Variants in KANSL1 observed in about 807,000 individuals in gnomAD.
KANSL1 encodes KAT8 regulatory NSL complex subunit 1, also known as MLL1/MLL complex subunit KANSL1.
A neutral mutation model predicts 103.6 loss-of-function variants in KANSL1; 22 were observed. The observed-to-expected ratio is 0.21, with a 90% CI of 0.15 to 0.30. The LOEUF (loss-of-function observed/expected upper bound fraction) is 0.30, where lower values mean the gene tolerates loss of function less well. Ranked by LOEUF, KANSL1 falls within the 10% of genes least tolerant of loss-of-function variation. The probability of loss-of-function intolerance (pLI) is 1.00; values close to 1 mark genes in which losing one functional copy is unlikely to be tolerated. For synonymous variants in KANSL1, 600 were observed against 527.6 expected, an observed-to-expected ratio of 1.14 and a Z score of -1.88; for missense variants, 1,337 against 1,399.8, an observed-to-expected ratio of 0.96 and a Z score of 0.72.
chr17:46,064,167 GA>G (rs2078289672), intron 6 of KANSL1, among the ~76,000 whole-genome samples: 1 of 151,486 alleles, frequency 6.6e-6, no homozygotes, highest in East Asian at 1.9e-4. Flanking sequence ...GGTAGAGTCC[GA>G]GGAATAGACA....
intron 7 of KANSL1, chr17:46,040,618 AT>A (rs1344844458): frequency 6.6e-6 from 1 of 152,246 alleles, no homozygotes; most frequent in Non-Finnish European, 1.5e-5. Flanking sequence ...CCAGTGCTAT[AT>A]TTAAGAGGGA....
chr17:46,090,175 C>T (rs1174835359), intron 3 of KANSL1, among the ~76,000 whole-genome samples: 1 of 152,192 alleles, frequency 6.6e-6, no homozygotes, highest in African/African-American at 2.4e-5. Flanking sequence ...GATGTAGCTA[C>T]AGGCCAAGAA....
intron 1 of KANSL1, among the ~76,000 whole-genome samples, chr17:46,201,377 T>C (rs963993248): frequency 7.2e-5 from 11 of 152,226 alleles, no homozygotes; most frequent in African/African-American, 1.2e-4. Context: ...AAATCAGATA[T>C]ACTTTTGTTA....
intron 2 of KANSL1, among the ~76,000 whole-genome samples, chr17:46,125,234 C>T (rs1405353187): frequency 6.6e-6 from 1 of 152,178 alleles, no homozygotes; most frequent in Non-Finnish European, 1.5e-5. Flanking sequence ...TGACTCACTT[C>T]ATGAAGGCTC....
intron 3 of KANSL1, chr17:46,092,942 T>C (rs2079467861): frequency 1.3e-5 from 2 of 152,180 alleles, no homozygotes; most frequent in African/African-American, 4.8e-5. Context: ...GCATCTTAAG[T>C]TCTATGAAAT....
rs538014049 is a variant in KANSL1, at chr17:46,118,630, G to C, written c.1290-23929C>G. Among the ~76,000 whole-genome samples the C allele has an allele frequency of 7.2e-5, 11 of 152,334 alleles. No individual in the cohort carries two copies. In the South Asian group the frequency reaches 2.1e-3, roughly 29 times the overall value. On this transcript the variant is annotated intron_variant, in intron 2 of 14. Coordinates refer to ENST00000432791, the MANE Select transcript of KANSL1 (RefSeq NM_015443.4). ...CCAAAGACTACACTTTGATGGTCTA[G>C]AGACCACATTTTGATGAACTTTCCT...
chr17:46,172,288 A>G (rs1407489892), intron 1 of KANSL1, 56 bp from the exon 2 acceptor site: 9 of 865,330 alleles, frequency 1.0e-5, no homozygotes, highest in African/African-American at 1.8e-5. Flanking sequence ...AAAAACATGT[A>G]TATTTTTAAC....
intron 10 of KANSL1, 127 bp from the exon 11 acceptor site, chr17:46,034,412 A>G: frequency 1.0e-6 from 1 of 976,104 alleles, no homozygotes; most frequent in East Asian, 2.6e-5. Context: ...CTGAGTAATG[A>G]CCATAGCAGC....
intron 2 of KANSL1, among the ~76,000 whole-genome samples, chr17:46,122,450 G>C (rs758914236): frequency 1.6e-4 from 25 of 152,186 alleles, no homozygotes; most frequent in Non-Finnish European, 2.1e-4. Flanking sequence ...CTGGAAATAT[G>C]AAACACTTTT....
intron 2 of KANSL1, among the ~76,000 whole-genome samples, chr17:46,136,065 A>T (rs1192968985): frequency 6.6e-6 from 1 of 152,184 alleles, no homozygotes; most frequent in Non-Finnish European, 1.5e-5. Context: ...CAACACCCAC[A>T]TAAATTCTGA....
Position 46,203,717 on chromosome 17 carries a change from GA to G in KANSL1, c.-90+19953del, listed in dbSNP as rs1187356024. 4.6e-5 allele frequency among the ~76,000 whole-genome samples: 7 copies of G among 152,270 alleles called. No individual in the cohort carries two copies. The South Asian group carries it at 6.2e-4, about 13-fold the overall frequency. On this transcript the variant is annotated intron_variant, in intron 1 of 14. Transcript: ENST00000572904. ...CTGAAGCTTGCCTAAATCATCCCAG[GA>G]ATGCTAAAATTGGGTGTTATTTATG...
intron 4 of KANSL1, among the ~76,000 whole-genome samples, chr17:46,080,513 A>T (rs1213325438): frequency 6.6e-6 from 1 of 152,056 alleles, no homozygotes; most frequent in African/African-American, 2.4e-5. Flanking sequence ...AAAACAAAAA[A>T]ACCTGGGGAA....
chr17:46,053,147 T>C (rs971139202), intron 6 of KANSL1, among the ~76,000 whole-genome samples: 1 of 151,604 alleles, frequency 6.6e-6, no homozygotes, highest in Admixed American at 6.6e-5. Flanking sequence ...AAACTGGGCA[T>C]GGTGGTGGGC....
chr17:46,065,139 T>TA (rs1336995621), intron 6 of KANSL1, among the ~76,000 whole-genome samples: 10 of 150,508 alleles, frequency 6.6e-5, no homozygotes. Context: ...CAGCAGGCTT[T>TA]TTTTTTTTTT....
chr17:46,086,370 G>A (rs2079164786), intron 3 of KANSL1, among the ~76,000 whole-genome samples: 1 of 152,160 alleles, frequency 6.6e-6, no homozygotes, highest in Admixed American at 6.5e-5. Context: ...GTCTCTACAG[G>A]CCAATACATG....
At chr17:46,136,979 T>C (rs564413317) in intron 2 of KANSL1, among the ~76,000 whole-genome samples, 2 of 152,358 alleles carry the variant, frequency 1.3e-5, no homozygotes, top group Non-Finnish European at 2.9e-5. Flanking sequence ...AAAATTGTAA[T>C]TCCCTAATTA....
At chr17:46,046,840 T>TA (rs36102082) in intron 7 of KANSL1, among the ~76,000 whole-genome samples, 10,367 of 118,636 alleles carry the variant, frequency 0.087, 550 homozygotes, top group Middle Eastern at 0.16. Context: ...GTCTCAAAAG[T>TA]AAAAAAAAAA....
At chr17:46,161,098 C>T (rs2045711014) in intron 2 of KANSL1, among the ~76,000 whole-genome samples, 1 of 152,102 alleles carries the variant, frequency 6.6e-6, no homozygotes, top group Admixed American at 6.5e-5. Context: ...ACTCTGTTGT[C>T]TGCTTAGGCA....
At chr17:46,218,738 G>A (rs1171939212) in intron 1 of KANSL1, among the ~76,000 whole-genome samples, 4 of 150,812 alleles carry the variant, frequency 2.7e-5, no homozygotes, top group Admixed American at 6.6e-5. Context: ...AGCCGAGATC[G>A]TGCCACTGAA....
Sources: gnomAD v4.1 joint callset for allele counts (sites outside exome capture counted in the v4.1 genomes callset) on GRCh38, gnomAD v4.1.1 for gene constraint, MANE v1.5 for transcripts, NCBI Gene and HGNC (gene_info 2026-07-23, HGNC 2026-07-21) for gene names.